The following KRTAP19-3 variants were observed in gnomAD, a reference collection of about 807,000 sequenced individuals.
The protein encoded by KRTAP19-3 is keratin-associated protein 19-3.
For missense variants in KRTAP19-3, 106 were observed against 101.6 expected (o/e 1.04, Z -0.19); for synonymous variants, 37 against 41.9 (o/e 0.88, Z 0.45).
rs1985968913 is a variant in KRTAP19-3, at chr21:30,491,470, G to GA, written c.*241dup. 1 of 616,114 alleles carries GA rather than the reference G, an allele frequency of 1.6e-6. No homozygotes were observed. Among genetic ancestry groups the GA allele is most frequent in the East Asian group, 3.0e-5 (1 of 33,576 alleles). 38.2% of individuals were successfully genotyped at this position (616,114 alleles called of 1,614,324 possible). The stretch of plus-strand genomic sequence containing the variant: ...AACAAAACAGAACCATATTGTGTTT[G>GA]AAAATAGAATGTTTTATTGGAAGAT... On this transcript the variant is annotated 3_prime_UTR_variant, in exon 1 of 1. Transcript: ENST00000334063.
rs1985971137 is a variant in KRTAP19-3, at chr21:30,491,549, T to C, written c.*163A>G. On this transcript the variant is annotated 3_prime_UTR_variant, in exon 1 of 1. Transcript: ENST00000334063. The stretch of plus-strand genomic sequence containing the variant: ...CAAAAGTAGAGAATACTAGGATTAT[T>C]ATAGAGATGTGGGTATACAGAGAAA... 1 of 1,086,226 alleles carries C rather than the reference T, an allele frequency of 9.2e-7. No individual in the cohort carries two copies. 67.3% of individuals were successfully genotyped at this position (1,086,226 alleles called of 1,614,324 possible).
rs962646329 is a variant in KRTAP19-3, at chr21:30,491,646, A to G, written c.*66T>C. On this transcript the variant is annotated 3_prime_UTR_variant, in exon 1 of 1. Coordinates refer to ENST00000334063, the MANE Select transcript of KRTAP19-3 (RefSeq NM_181609.4). ...GCTCCAGCATGATCTTTGTTGTCCA[A>G]TGATTGAAGTCAGCTCTGGGAAAGT... is the stretch of plus-strand genomic sequence containing the variant. 28 of 1,600,996 alleles carry G rather than the reference A, an allele frequency of 1.7e-5. No individual in the cohort carries two copies. In the Admixed American group the frequency reaches 1.9e-4, roughly 11 times the overall value.
chr21:30,491,945 C>A lies in KRTAP19-3; in HGVS notation c.13G>T (p.Gly5Cys), dbSNP rs75692404. The change falls in exon 1 of 1, where the codon GGC becomes TGC. Residue 5 changes from glycine (G) to cysteine (C), a missense_variant. Physicochemically the swap from Gly to Cys is radical, Grantham distance 159. Coordinates refer to ENST00000334063, the MANE Select transcript of KRTAP19-3 (RefSeq NM_181609.4). ...TAGCCCAGGCCTCCATAGTAGCTGC[C>A]GTAGTAGCTCATGGTGTCAGGGGTA... MSYY[G>C]SYYGGLGYGC... 3.0e-3 allele frequency: 4,836 copies of A among 1,614,140 alleles called. 118 individuals carry two copies. In the African/African-American group the frequency reaches 0.053, roughly 18 times the overall value.
At position 30,491,950 on chromosome 21, in the gene KRTAP19-3, T is replaced by C. The variant is rs1985987792; in HGVS notation, c.8A>G (p.Tyr3Cys). The C allele has an allele frequency of 6.2e-7, 1 of 1,614,190 alleles. No homozygotes were observed. Among genetic ancestry groups the C allele is most frequent in the African/African-American group, 1.3e-5 (1 of 75,050 alleles). ...CAGGCCTCCATAGTAGCTGCCGTAGTAGCTCATGGTGTCAGGGGTAGTGAG... is the reference window on the plus strand; with the variant it reads ...CAGGCCTCCATAGTAGCTGCCGTAGCAGCTCATGGTGTCAGGGGTAGTGAG... MS[Y>C]YGSYYGGLGY... The change falls in exon 1 of 1, where the codon TAC becomes TGC. Residue 3 changes from tyrosine (Y) to cysteine (C), a missense_variant. Coordinates refer to ENST00000334063, the MANE Select transcript of KRTAP19-3 (RefSeq NM_181609.4).
Position 30,491,539 on chromosome 21 carries a change from C to A in KRTAP19-3, c.*173G>T. 9.9e-7 allele frequency: 1 copy of A among 1,015,024 alleles called. No individual in the cohort carries two copies. Among genetic ancestry groups the A allele is most frequent in the Non-Finnish European group, 1.4e-6 (1 of 696,708 alleles). The allele number at this position is 1,015,024 out of a possible 1,614,324, so 62.9% of individuals were successfully genotyped here. A position where few individuals can be genotyped will look rare whatever the true frequency, so the allele number is the denominator to read the frequency against. On this transcript the variant is annotated 3_prime_UTR_variant, in exon 1 of 1. Coordinates refer to ENST00000334063, the MANE Select transcript of KRTAP19-3 (RefSeq NM_181609.4). ...GCTTTAAAAGCAAAAGTAGAGAATA[C>A]TAGGATTATTATAGAGATGTGGGTA...
chr21:30,491,951 A>G lies in KRTAP19-3; in HGVS notation c.7T>C (p.Tyr3His). The G allele has an allele frequency of 6.2e-7, 1 of 1,614,166 alleles. No individual in the cohort carries two copies. Among genetic ancestry groups the G allele is most frequent in the Non-Finnish European group, 8.5e-7 (1 of 1,180,018 alleles). Residue 3 changes from tyrosine to histidine, a missense_variant, in exon 1 of 1, where the codon TAC becomes CAC. Transcript: ENST00000334063. MS[Y>H]YGSYYGGLGY... The stretch of plus-strand genomic sequence containing the variant: ...AGGCCTCCATAGTAGCTGCCGTAGT[A>G]GCTCATGGTGTCAGGGGTAGTGAGT...
rs879244082 is a variant in KRTAP19-3 at position 30,491,487 on chromosome 21, T to C, written c.*225A>G. Reference sequence around the variant, plus strand: ...TTGTGTTTGAAAATAGAATGTTTTATTGGAAGATAAACAGATAATTCAATC... The same window carrying C: ...TTGTGTTTGAAAATAGAATGTTTTACTGGAAGATAAACAGATAATTCAATC... On this transcript the variant is annotated 3_prime_UTR_variant, in exon 1 of 1. Transcript: ENST00000334063. The C allele has an allele frequency of 4.5e-6, 3 of 665,066 alleles. No homozygotes were observed. Among genetic ancestry groups the C allele is most frequent in the South Asian group, 4.2e-5 (2 of 47,468 alleles). The allele number at this position is 665,066 out of a possible 1,614,324, so 41.2% of individuals were successfully genotyped here. A position where few individuals can be genotyped will look rare whatever the true frequency, so the allele number is the denominator to read the frequency against.
At position 30,491,781 on chromosome 21, in the gene KRTAP19-3, G is replaced by A. The variant is rs199527602; in HGVS notation, c.177C>T (p.Phe59=). Residue 59 remains phenylalanine (F), a synonymous_variant, in exon 1 of 1, where the codon TTC becomes TTT. Coordinates refer to ENST00000334063, the MANE Select transcript of KRTAP19-3 (RefSeq NM_181609.4). ...GFGGYGYGSG[F]GGYGYGCYRP... ...GGTAGCAGCCATATCCGTAGCCTCCGAAGCCAGAGCCATATCCATAGCCTC... is the reference window on the plus strand; with the variant it reads ...GGTAGCAGCCATATCCGTAGCCTCCAAAGCCAGAGCCATATCCATAGCCTC... The A allele has an allele frequency of 2.5e-5, 41 of 1,613,938 alleles. No homozygotes were observed. Among genetic ancestry groups the A allele is most frequent in the East Asian group, 1.8e-4 (8 of 44,864 alleles).
At chr21:30,491,946 G>C in the KRTAP19-3 span, 18 of 1,614,070 alleles carry the variant, frequency 1.1e-5, no homozygotes, top group South Asian at 1.4e-4. Flanking sequence ...AGTAGCTGCC[G>C]TAGTAGCTCA....
rs754209534 is a variant in KRTAP19-3, at chr21:30,491,723, C to T, written c.235G>A (p.Gly79Arg). 8.1e-6 allele frequency: 13 copies of T among 1,613,988 alleles called. No homozygotes were observed. The African/African-American group carries it at 1.6e-4, about 20-fold the overall frequency. ...PSYYGGYGFSGFY is the reference protein window; with the variant it reads ...PSYYGGYGFSRFY The stretch of plus-strand genomic sequence containing the variant: ...GCTGGGGCAGTAGTTTAATAGAATC[C>T]AGAGAATCCATATCCTCCATAGTAT... The change falls in exon 1 of 1, where the codon GGA becomes AGA. Residue 79 changes from glycine (G) to arginine (R), a missense_variant. Physicochemically the swap from Gly to Arg is moderately radical, Grantham distance 125. Transcript: ENST00000334063.
rs1025916957 is a variant in KRTAP19-3 at position 30,491,891 on chromosome 21, A to T, written c.67T>A (p.Tyr23Asn). ...CTGCCACATCCACAGCCATAGCCATAGCCCAGGCCACCAAAGCCTCCACAG... is the reference window on the plus strand; with the variant it reads ...CTGCCACATCCACAGCCATAGCCATTGCCCAGGCCACCAAAGCCTCCACAG... ...YGCGGFGGLG[Y>N]GYGCGCGSFR... Residue 23 changes from tyrosine to asparagine, a missense_variant, in exon 1 of 1, where the codon TAT becomes AAT. Coordinates refer to ENST00000334063, the MANE Select transcript of KRTAP19-3 (RefSeq NM_181609.4). 1 of 1,614,134 alleles carries T rather than the reference A, an allele frequency of 6.2e-7. No homozygotes were observed. The highest frequency in any genetic ancestry group is 8.5e-7 in the Non-Finnish European group (1 of 1,180,012).
the KRTAP19-3 span, chr21:30,491,916 G>GC: frequency 6.2e-7 from 1 of 1,614,200 alleles, no homozygotes; most frequent in East Asian, 2.2e-5. Flanking sequence ...AGCCTCCACA[G>GC]CCATAGCCCA....
Position 30,491,508 on chromosome 21 carries a change from C to G in KRTAP19-3, c.*204G>C. 1.3e-6 allele frequency: 1 copy of G among 753,036 alleles called. No homozygotes were observed. Among genetic ancestry groups the G allele is most frequent in the Middle Eastern group, 3.4e-4 (1 of 2,924 alleles). The allele number at this position is 753,036 out of a possible 1,614,324, so 46.6% of individuals were successfully genotyped here. On this transcript the variant is annotated 3_prime_UTR_variant, in exon 1 of 1. Transcript: ENST00000334063. ...TTTATTGGAAGATAAACAGATAATTCAATCAGCTTTAAAAGCAAAAGTAGA... is the reference window on the plus strand; with the variant it reads ...TTTATTGGAAGATAAACAGATAATTGAATCAGCTTTAAAAGCAAAAGTAGA...
In KRTAP19-3 at chr21:30,491,568, A is replaced by G. The variant is rs1985971789; in HGVS notation, c.*144T>C. ...GATTATTATAGAGATGTGGGTATAC[A>G]GAGAAAAAAAATTGCCTGAAATTCT... On this transcript the variant is annotated 3_prime_UTR_variant, in exon 1 of 1. Coordinates refer to ENST00000334063, the MANE Select transcript of KRTAP19-3 (RefSeq NM_181609.4). The G allele has an allele frequency of 2.2e-6, 3 of 1,383,104 alleles. No homozygotes were observed. In the East Asian group the frequency reaches 6.9e-5, roughly 32 times the overall value. 85.7% of individuals were successfully genotyped at this position (1,383,104 alleles called of 1,614,324 possible).
rs1985971213 is a variant in KRTAP19-3, at chr21:30,491,551, T to A, written c.*161A>T. ...AAAGTAGAGAATACTAGGATTATTA[T>A]AGAGATGTGGGTATACAGAGAAAAA... is the stretch of plus-strand genomic sequence containing the variant. On this transcript the variant is annotated 3_prime_UTR_variant, in exon 1 of 1. Transcript: ENST00000334063. The A allele has an allele frequency of 9.1e-7, 1 of 1,103,470 alleles. No individual in the cohort carries two copies. Among genetic ancestry groups the A allele is most frequent in the Non-Finnish European group, 1.3e-6 (1 of 769,866 alleles). The allele number at this position is 1,103,470 out of a possible 1,614,324, so 68.4% of individuals were successfully genotyped here. A position where few individuals can be genotyped will look rare whatever the true frequency, so the allele number is the denominator to read the frequency against.
At position 30,491,479 on chromosome 21, in the gene KRTAP19-3, A is replaced by G; in HGVS notation, c.*233T>C. The G allele has an allele frequency of 1.6e-6, 1 of 638,320 alleles. No homozygotes were observed. The highest frequency in any genetic ancestry group is 2.6e-6 in the Non-Finnish European group (1 of 382,494). 39.5% of individuals were successfully genotyped at this position (638,320 alleles called of 1,614,324 possible). A position where few individuals can be genotyped will look rare whatever the true frequency, so the allele number is the denominator to read the frequency against. ...GAACCATATTGTGTTTGAAAATAGA[A>G]TGTTTTATTGGAAGATAAACAGATA... On this transcript the variant is annotated 3_prime_UTR_variant, in exon 1 of 1. Transcript: ENST00000334063.
In KRTAP19-3 at chr21:30,491,687, C is replaced by G. The variant is rs1442265507; in HGVS notation, c.*25G>C. 2 of 1,613,202 alleles carry G rather than the reference C, an allele frequency of 1.2e-6. No individual in the cohort carries two copies. The highest frequency in any genetic ancestry group is 2.7e-5 in the African/African-American group (2 of 74,912). On this transcript the variant is annotated 3_prime_UTR_variant, in exon 1 of 1. Transcript: ENST00000334063. Reference sequence around the variant, plus strand: ...CTGGGAAAGTCCTCTTATAATTTCACACATTGTGTTGCTGGGGCAGTAGTT... The same window carrying G: ...CTGGGAAAGTCCTCTTATAATTTCAGACATTGTGTTGCTGGGGCAGTAGTT...
rs1442656686 is a variant in KRTAP19-3 at position 30,491,994 on chromosome 21, G to A, written c.-37C>T. On this transcript the variant is annotated 5_prime_UTR_variant, in exon 1 of 1. Coordinates refer to ENST00000334063, the MANE Select transcript of KRTAP19-3 (RefSeq NM_181609.4). ...TAGTGAGTTTGGTTTGCTGCTCAAG[G>A]CAAGGTCCTGAGTGTGAATGTTGAC... is the stretch of plus-strand genomic sequence containing the variant. 2 of 1,613,256 alleles carry A rather than the reference G, an allele frequency of 1.2e-6. No homozygotes were observed. Among genetic ancestry groups the A allele is most frequent in the South Asian group, 2.2e-5 (2 of 91,072 alleles).
rs1255424066 is a variant in KRTAP19-3 at position 30,491,848 on chromosome 21, G to A, written c.110C>T (p.Ser37Phe). ...CGCGSFRRLGSGCGYGGYGYG... is the reference protein window; with the variant it reads ...CGCGSFRRLGFGCGYGGYGYG... ...TCCGTAGCCTCCATAGCCACAGCCA[G>A]AACCCAGTCTGCGGAAGCTGCCACA... is the stretch of plus-strand genomic sequence containing the variant. Residue 37 changes from serine to phenylalanine, a missense_variant, in exon 1 of 1, where the codon TCT (serine) becomes TTT (phenylalanine). Physicochemically the swap from Ser to Phe is radical, Grantham distance 155. Transcript: ENST00000334063. 3.1e-6 allele frequency: 5 copies of A among 1,614,118 alleles called. No homozygotes were observed. The South Asian group carries it at 5.5e-5, about 18-fold the overall frequency.
Sources: allele counts gnomAD v4.1 joint callset, GRCh38; gene constraint gnomAD v4.1.1; transcripts MANE v1.5; gene names NCBI Gene and HGNC (gene_info 2026-07-23, HGNC 2026-07-21).